Variants in SCFD2 observed in about 807,000 individuals in gnomAD.
The protein encoded by SCFD2 is sec1 family domain-containing protein 2.
In SCFD2, 54 loss-of-function variants were observed where a neutral mutation model predicts 58.9. That is an observed-to-expected ratio of 0.92 (90% CI 0.74 to 1.15). SCFD2 has a LOEUF of 1.15. SCFD2 is among the 50% of genes most tolerant of loss of function. SCFD2 has a pLI of 0.00. For missense variants in SCFD2, 805 were observed against 836.6 expected, an observed-to-expected ratio of 0.96 and a Z score of 0.47; for synonymous variants, 321 against 335.9, an observed-to-expected ratio of 0.96 and a Z score of 0.49.
Position 53,365,770 on chromosome 4 carries a change from C to T in SCFD2, c.172G>A (p.Glu58Lys), listed in dbSNP as rs1734684583. The T allele has an allele frequency of 6.2e-7, 1 of 1,613,894 alleles. No homozygotes were observed. Residue 58 changes from glutamate (E) to lysine (K), a missense_variant, in exon 1 of 9, where the codon GAG becomes AAG. Coordinates refer to ENST00000401642, the MANE Select transcript of SCFD2 (RefSeq NM_152540.4). The surrounding 1 kb of genome is among the most constrained non-coding windows in gnomAD (Gnocchi z 4.3). ...AVGGPDCHLR[E>K]FEPDAIGGGA... ...CCACCAATTGCGTCGGGCTCGAACT[C>T]TCGCAGGTGACAGTCAGGACCCCCC... is the stretch of plus-strand genomic sequence containing the variant.
At chr4:52,932,158 G>C (rs76305842) in intron 5 of SCFD2, among the ~76,000 whole-genome samples, 1 of 152,212 alleles carries the variant, frequency 6.6e-6, no homozygotes, top group Non-Finnish European at 1.5e-5. Context: ...AAGAGATAAC[G>C]TTATACTTTA....
intron 5 of SCFD2, among the ~76,000 whole-genome samples, chr4:52,984,910 C>T (rs1427809245): frequency 1.3e-5 from 2 of 152,180 alleles, no homozygotes; most frequent in African/African-American, 2.4e-5. Flanking sequence ...TGCTTACTTG[C>T]CTACACTTTT....
intron 1 of SCFD2, among the ~76,000 whole-genome samples, chr4:53,363,391 T>C (rs1553904058): frequency 6.6e-6 from 1 of 152,018 alleles, no homozygotes; most frequent in Non-Finnish European, 1.5e-5. Flanking sequence ...TCAAGCAGTC[T>C]GCCCCCCTCA....
At chr4:52,906,552 C>A (rs773093113) in intron 7 of SCFD2, among the ~76,000 whole-genome samples, 3 of 152,168 alleles carry the variant, frequency 2.0e-5, no homozygotes, top group Non-Finnish European at 4.4e-5. Flanking sequence ...CCAGGCACTG[C>A]AACAGAAGTT....
chr4:52,969,798 G>A lies in SCFD2; in HGVS notation c.1562-48928C>T, dbSNP rs542434033. On this transcript the variant is annotated intron_variant, in intron 5 of 8. Coordinates refer to ENST00000401642, the MANE Select transcript of SCFD2 (RefSeq NM_152540.4). The stretch of plus-strand genomic sequence containing the variant: ...GAGTTGTGTTTAGCCCCTGAGATTT[G>A]GGGATTATGTTAACTGGAGCAAAAC... 3.8e-4 allele frequency among the ~76,000 whole-genome samples: 58 copies of A among 152,230 alleles called. 1 individual carries two copies. Among genetic ancestry groups the A allele is most frequent in the African/African-American group, 1.3e-3 (56 of 41,530 alleles).
intron 5 of SCFD2, among the ~76,000 whole-genome samples, chr4:53,092,027 G>A (rs80198430): frequency 0.061 from 9,309 of 152,134 alleles, 369 homozygotes; most frequent in Non-Finnish European, 0.092. Context: ...AAAAGAAGAC[G>A]TCAAAATTAG....
chr4:53,176,638 A>C (rs965272929), intron 4 of SCFD2, among the ~76,000 whole-genome samples: 2 of 152,192 alleles, frequency 1.3e-5, no homozygotes, highest in Admixed American at 1.3e-4. Context: ...GAAAACTGAC[A>C]GTTGGGTGGG....
intron 4 of SCFD2, among the ~76,000 whole-genome samples, chr4:53,181,471 A>T (rs1363464602): frequency 1.3e-5 from 2 of 152,092 alleles, no homozygotes; most frequent in Non-Finnish European, 2.9e-5. Context: ...CAGGCTAAAA[A>T]CTCTCAATAA....
chr4:53,020,037 T>C (rs976867239), intron 5 of SCFD2, among the ~76,000 whole-genome samples: 4 of 152,184 alleles, frequency 2.6e-5, no homozygotes, highest in African/African-American at 7.2e-5. Context: ...GAGCCAAGAA[T>C]TGCAATGCAG....
intron 5 of SCFD2, among the ~76,000 whole-genome samples, chr4:53,031,483 A>G (rs907467559): frequency 2.0e-5 from 3 of 152,230 alleles, no homozygotes; most frequent in African/African-American, 7.2e-5. Context: ...AACTCCTCTT[A>G]GCTAAAGGAG....
At position 53,300,464 on chromosome 4, in the gene SCFD2, C is replaced by T. The variant is rs552133140; in HGVS notation, c.1135+13172G>A. 4.4e-4 allele frequency among the ~76,000 whole-genome samples: 67 copies of T among 152,182 alleles called. 1 individual carries two copies. The highest frequency in any genetic ancestry group is 3.9e-4 in the East Asian group (2 of 5,180). The stretch of plus-strand genomic sequence containing the variant: ...ATTCATAAAGCAAGTCCTTAGAGAC[C>T]TACAAAGAGACTTAGACTCCCACAC... On this transcript the variant is annotated intron_variant, in intron 3 of 8. Transcript: ENST00000401642.
chr4:53,245,956 A>G (rs1730055695), intron 4 of SCFD2, among the ~76,000 whole-genome samples: 1 of 152,170 alleles, frequency 6.6e-6, no homozygotes, highest in South Asian at 2.1e-4. Context: ...AAAACTCTAT[A>G]GTCGTGGCCC....
At chr4:53,218,407 G>C (rs1023861013) in intron 4 of SCFD2, among the ~76,000 whole-genome samples, 3 of 152,070 alleles carry the variant, frequency 2.0e-5, no homozygotes, top group African/African-American at 4.8e-5. Context: ...TTCTGTCACT[G>C]ATACCCTTTC....
At chr4:53,182,526 G>A (rs1211949213) in intron 4 of SCFD2, among the ~76,000 whole-genome samples, 1 of 152,166 alleles carries the variant, frequency 6.6e-6, no homozygotes, top group Non-Finnish European at 1.5e-5. Context: ...AGACTTAAAT[G>A]TTAGACCTAA....
chr4:53,142,885 C>T (rs1726212442), intron 5 of SCFD2, among the ~76,000 whole-genome samples: 1 of 152,092 alleles, frequency 6.6e-6, no homozygotes, highest in South Asian at 2.1e-4. Flanking sequence ...TTGAATATGT[C>T]AAATTTATTT....
rs373467877 is a variant in SCFD2 at position 53,047,812 on chromosome 4, G to T, written c.1561+97521C>A. On this transcript the variant is annotated intron_variant, in intron 5 of 8. Transcript: ENST00000401642. ...TCCTTAGAGAAATGAGGTTTAAACT[G>T]TCTCAGAAATGGGCATCTCCAGTAG... 2.0e-4 allele frequency among the ~76,000 whole-genome samples: 31 copies of T among 152,288 alleles called. No homozygotes were observed. In the South Asian group the frequency reaches 2.3e-3, roughly 11 times the overall value.
Position 53,214,774 on chromosome 4 carries a change from T to C in SCFD2, c.1311+59052A>G, listed in dbSNP as rs184708740. Among the ~76,000 whole-genome samples, 17 of 152,286 alleles carry C rather than the reference T, an allele frequency of 1.1e-4. No individual in the cohort carries two copies. The East Asian group carries it at 3.1e-3, about 28-fold the overall frequency. ...TTGCCTAGGTTTTCTTCTAGGGTTT[T>C]TATGGTTTTAGGTCTAACATGTAAG... is the stretch of plus-strand genomic sequence containing the variant. On this transcript the variant is annotated intron_variant, in intron 4 of 8. Transcript: ENST00000401642.
At chr4:53,101,844 C>A (rs1353042538) in intron 5 of SCFD2, among the ~76,000 whole-genome samples, 1 of 151,520 alleles carries the variant, frequency 6.6e-6, no homozygotes, top group African/African-American at 2.4e-5. Flanking sequence ...TTGTGACATC[C>A]CAATTAAAAA....
At chr4:53,257,861 T>C (rs532911437) in intron 4 of SCFD2, among the ~76,000 whole-genome samples, 1 of 152,226 alleles carries the variant, frequency 6.6e-6, no homozygotes, top group South Asian at 2.1e-4. Context: ...GCATTATGCA[T>C]GCTCTCTTTT....
Sources: allele counts gnomAD v4.1 joint callset (sites outside exome capture counted in the v4.1 genomes callset), GRCh38; gene constraint gnomAD v4.1.1; non-coding constraint Gnocchi (gnomAD v3.1); transcripts MANE v1.5; gene names NCBI Gene and HGNC (gene_info 2026-07-23, HGNC 2026-07-21).